The following PHTF2 variants were observed in gnomAD, a reference collection of about 807,000 sequenced individuals.
The protein encoded by PHTF2 is protein PHTF2.
In PHTF2, 60 loss-of-function variants were observed where a neutral mutation model predicts 101.2. That is an observed-to-expected ratio of 0.59 (90% CI 0.48 to 0.73). The LOEUF is 0.73. PHTF2 is among the 30% of genes least tolerant of loss of function. The pLI is 0.00. For missense variants in PHTF2, 747 were observed against 908.7 expected (o/e 0.82, Z 2.29); for synonymous variants, 311 against 307.3 (o/e 1.01, Z -0.13).
chr7:77,949,981 T>C (rs1806398876), intron 17 of PHTF2, 148 bp downstream of exon 16: 1 of 497,484 alleles, frequency 2.0e-6, no homozygotes, highest in Non-Finnish European at 3.5e-6. Flanking sequence ...ACACAAGCCT[T>C]TCTTCAGTGT....
chr7:77,872,028 G>A (rs1450036839), intron 3 of PHTF2, among the ~76,000 whole-genome samples: 1 of 152,210 alleles, frequency 6.6e-6, no homozygotes, highest in African/African-American at 2.4e-5. Context: ...CTGCCACCAG[G>A]TAACTGGCTG....
chr7:77,882,612 C>T (rs1416138239), intron 3 of PHTF2, among the ~76,000 whole-genome samples: 1 of 151,982 alleles, frequency 6.6e-6, no homozygotes, highest in Non-Finnish European at 1.5e-5. Context: ...TAAGGTCTTC[C>T]CGAAATAACA....
chr7:77,872,001 G>A (rs923514894), intron 3 of PHTF2, among the ~76,000 whole-genome samples: 1 of 152,190 alleles, frequency 6.6e-6, no homozygotes, highest in South Asian at 2.1e-4. Context: ...TGATGGAAAA[G>A]GTTCAATATA....
chr7:77,879,922 G>A (rs1252519783), intron 3 of PHTF2, among the ~76,000 whole-genome samples: 3 of 152,142 alleles, frequency 2.0e-5, no homozygotes, highest in African/African-American at 7.2e-5. Context: ...TTGATTGTTA[G>A]TTGAGGGTAT....
exon 7 of PHTF2, chr7:77,901,845 T>C: frequency 2.5e-6 from 4 of 1,598,796 alleles, no homozygotes; most frequent in South Asian, 2.3e-5. Context: ...ATTTTTCCCC[T>C]TTTTCTTCCG....
intron 1 of PHTF2, among the ~76,000 whole-genome samples, chr7:77,821,654 G>A (rs1011536753): frequency 6.6e-6 from 1 of 151,974 alleles, no homozygotes; most frequent in African/African-American, 2.4e-5. Flanking sequence ...CTGTTTATAG[G>A]CCCAGGAGCA....
Position 77,916,932 on chromosome 7 carries a change from T to C in PHTF2, c.777-3347T>C, listed in dbSNP as rs1802985392. Among the ~76,000 whole-genome samples the C allele has an allele frequency of 2.0e-5, 3 of 152,184 alleles. No individual in the cohort carries two copies. The South Asian group carries it at 6.2e-4, about 31-fold the overall frequency. Reference sequence around the variant, plus strand: ...TCCACAAATATGGAACCTGTGGATATGGAGGCCTGGTCGTGACCCACTTAT... The same window carrying C: ...TCCACAAATATGGAACCTGTGGATACGGAGGCCTGGTCGTGACCCACTTAT... On this transcript the variant is annotated intron_variant, in intron 9 of 19. Coordinates refer to ENST00000416283, the Ensembl canonical transcript of PHTF2.
chr7:77,801,016 TGC>T lies in PHTF2; in HGVS notation c.-36+2046_-36+2047del, dbSNP rs561591992. 8.5e-5 allele frequency among the ~76,000 whole-genome samples: 13 copies of T among 152,296 alleles called. No homozygotes were observed. The South Asian group carries it at 1.9e-3, about 22-fold the overall frequency. On this transcript the variant is annotated intron_variant, in intron 1 of 19. Transcript: ENST00000416283. ...GAGACTACTCAGTGGAAAATAACAC[TGC>T]AAAACCGTAAATTGAATCCACTATT...
At chr7:77,804,808 T>C (rs1047405883) in intron 1 of PHTF2, among the ~76,000 whole-genome samples, 5 of 152,350 alleles carry the variant, frequency 3.3e-5, no homozygotes, top group East Asian at 1.9e-4. Context: ...CATTGGCACT[T>C]AGTTCAAACC....
At chr7:77,881,973 A>G (rs1239993953) in intron 3 of PHTF2, among the ~76,000 whole-genome samples, 1 of 152,194 alleles carries the variant, frequency 6.6e-6, no homozygotes, top group East Asian at 1.9e-4. Flanking sequence ...CTTCATTGAA[A>G]TAAAAAATAC....
intron 12 of PHTF2, among the ~76,000 whole-genome samples, chr7:77,933,532 G>A (rs1011189821): frequency 9.9e-5 from 15 of 152,228 alleles, no homozygotes; most frequent in African/African-American, 3.4e-4. Context: ...TGGGAGTAGC[G>A]TCCTTGGGAT....
At chr7:77,922,735 G>A (rs750635974) in exon 11 of PHTF2, 42 of 1,606,482 alleles carry the variant, frequency 2.6e-5, no homozygotes, top group East Asian at 4.5e-5. Flanking sequence ...GGTGTTCTTC[G>A]GAATAGAAAG....
Position 77,911,004 on chromosome 7 carries a change from G to A in PHTF2, c.776+595G>A, listed in dbSNP as rs1459396272. Among the ~76,000 whole-genome samples, 3 of 152,134 alleles carry A rather than the reference G, an allele frequency of 2.0e-5. No homozygotes were observed. The East Asian group carries it at 5.8e-4, about 29-fold the overall frequency. ...TTTATCACCGTTTTGGGTCAAAATTGGCTGTATTAAAATGTCATGTGAATT... is the reference window on the plus strand; with the variant it reads ...TTTATCACCGTTTTGGGTCAAAATTAGCTGTATTAAAATGTCATGTGAATT... On this transcript the variant is annotated intron_variant, in intron 9 of 19. Coordinates refer to ENST00000416283, the Ensembl canonical transcript of PHTF2.
chr7:77,842,029 A>G (rs1795926205), intron 2 of PHTF2, among the ~76,000 whole-genome samples: 1 of 152,110 alleles, frequency 6.6e-6, no homozygotes, highest in African/African-American at 2.4e-5. Context: ...GAAATATTAT[A>G]CTCAGATTCA....
intron 1 of PHTF2, among the ~76,000 whole-genome samples, chr7:77,808,689 G>A (rs565475199): frequency 6.6e-6 from 1 of 152,302 alleles, no homozygotes; most frequent in African/African-American, 2.4e-5. Context: ...CTTTGCTCTA[G>A]TAATTCTAGC....
At chr7:77,848,383 T>A (rs1796475788) in intron 2 of PHTF2, among the ~76,000 whole-genome samples, 1 of 152,220 alleles carries the variant, frequency 6.6e-6, no homozygotes, top group South Asian at 2.1e-4. Context: ...GTTGCCTGTC[T>A]TCTGGAGAAA....
At chr7:77,897,031 T>C (rs1800934589) in intron 5 of PHTF2, among the ~76,000 whole-genome samples, 1 of 152,222 alleles carries the variant, frequency 6.6e-6, no homozygotes, top group Non-Finnish European at 1.5e-5. Context: ...ACTTTGATTT[T>C]TTCTGATTAC....
At chr7:77,936,916 C>T (rs992418343) in intron 12 of PHTF2, among the ~76,000 whole-genome samples, 3 of 151,352 alleles carry the variant, frequency 2.0e-5, no homozygotes, top group Admixed American at 1.3e-4. Context: ...AGGTAGAGGC[C>T]GGTGGATCAC....
At chr7:77,866,184 CAAAAAAAAA>C (rs35744441) in intron 3 of PHTF2, among the ~76,000 whole-genome samples, 163 of 82,410 alleles carry the variant, frequency 2.0e-3, no homozygotes, top group African/African-American at 6.3e-3. Flanking sequence ...ACTACCTCTC[CAAAAAAAAA>C]AAAAAAAAAA....
Sources: gnomAD v4.1 joint callset for allele counts (sites outside exome capture counted in the v4.1 genomes callset) on GRCh38, gnomAD v4.1.1 for gene constraint, MANE v1.5 for transcripts, NCBI Gene and HGNC (gene_info 2026-07-23, HGNC 2026-07-21) for gene names.